SLC25A21: variants seen among roughly 807,000 people sequenced by gnomAD.
SLC25A21 encodes the protein mitochondrial 2-oxodicarboxylate carrier.
A neutral mutation model predicts 43.8 loss-of-function variants in SLC25A21; 47 were observed. That is an observed-to-expected ratio of 1.07 (90% CI 0.85 to 1.37). The LOEUF is 1.37. Among genes scored for constraint, SLC25A21 ranks in the 40% most tolerant of loss-of-function variants. The pLI, the probability that SLC25A21 is intolerant of heterozygous loss-of-function variation, is 0.00. For missense variants in SLC25A21, 352 were observed against 350.2 expected, an observed-to-expected ratio of 1.00 and a Z score of -0.04; for synonymous variants, 131 against 121.3, an observed-to-expected ratio of 1.08 and a Z score of -0.52.
intron 1 of SLC25A21, among the ~76,000 whole-genome samples, chr14:37,002,184 A>G (rs1960503258): frequency 1.3e-5 from 2 of 152,138 alleles, no homozygotes; most frequent in African/African-American, 2.4e-5. Context: ...CACCATAAGG[A>G]AAGTACAGGC....
intron 1 of SLC25A21, among the ~76,000 whole-genome samples, chr14:37,134,637 G>C (rs1963446277): frequency 8.1e-6 from 1 of 122,770 alleles, no homozygotes; most frequent in Admixed American, 9.8e-5. Flanking sequence ...CACAGAGTGA[G>C]ACTCCATCTC....
intron 1 of SLC25A21, among the ~76,000 whole-genome samples, chr14:37,111,279 G>C (rs567891585): frequency 1.3e-5 from 2 of 152,254 alleles, no homozygotes; most frequent in East Asian, 3.9e-4. Context: ...ACCGTCTTCT[G>C]TCTTCTCCCC....
At chr14:37,064,100 T>C (rs192815848) in intron 1 of SLC25A21, among the ~76,000 whole-genome samples, 2 of 152,240 alleles carry the variant, frequency 1.3e-5, no homozygotes, top group Admixed American at 1.3e-4. Context: ...GCAGGTGCCA[T>C]CTAATTAACT....
chr14:36,809,434 A>G (rs1888154952), intron 3 of SLC25A21, among the ~76,000 whole-genome samples: 1 of 151,978 alleles, frequency 6.6e-6, no homozygotes, highest in Non-Finnish European at 1.5e-5. Context: ...CTTTAATCTC[A>G]CTTCTGTAAA....
intron 3 of SLC25A21, among the ~76,000 whole-genome samples, chr14:36,807,449 G>A (rs1400706472): frequency 6.6e-6 from 1 of 152,102 alleles, no homozygotes; most frequent in Non-Finnish European, 1.5e-5. Flanking sequence ...GATGATGATT[G>A]GTCAAATAAT....
intron 1 of SLC25A21, among the ~76,000 whole-genome samples, chr14:37,105,530 T>C (rs1362202559): frequency 1.3e-5 from 2 of 152,192 alleles, no homozygotes; most frequent in Non-Finnish European, 2.9e-5. Context: ...CCTTTCTACA[T>C]ATTTCCCATC....
At chr14:36,945,694 T>G (rs1016088787) in intron 1 of SLC25A21, among the ~76,000 whole-genome samples, 3 of 152,126 alleles carry the variant, frequency 2.0e-5, no homozygotes, top group African/African-American at 7.2e-5. Flanking sequence ...AATAGAATGT[T>G]GGCATCAGGG....
At chr14:36,772,867 C>T (rs1227232582) in intron 3 of SLC25A21, among the ~76,000 whole-genome samples, 1 of 152,148 alleles carries the variant, frequency 6.6e-6, no homozygotes, top group Non-Finnish European at 1.5e-5. Context: ...ACTACATCTT[C>T]CTTTGTTGCA....
intron 1 of SLC25A21, among the ~76,000 whole-genome samples, chr14:36,946,874 A>C (rs1162988121): frequency 6.6e-6 from 1 of 152,166 alleles, no homozygotes; most frequent in Non-Finnish European, 1.5e-5. Flanking sequence ...ACCATGTTTT[A>C]ATATTTTATA....
At chr14:36,906,878 C>T (rs1891550534) in intron 1 of SLC25A21, among the ~76,000 whole-genome samples, 1 of 152,040 alleles carries the variant, frequency 6.6e-6, no homozygotes, top group Non-Finnish European at 1.5e-5. Context: ...AATGCATCTC[C>T]AGCATAGACA....
chr14:36,736,505 C>T (rs1405969005), intron 3 of SLC25A21, among the ~76,000 whole-genome samples: 1 of 152,044 alleles, frequency 6.6e-6, no homozygotes, highest in Non-Finnish European at 1.5e-5. Context: ...TTGGTCTTCC[C>T]AAAAGATAAA....
intron 3 of SLC25A21, among the ~76,000 whole-genome samples, chr14:36,763,633 G>A (rs1351984571): frequency 6.6e-6 from 1 of 152,050 alleles, no homozygotes; most frequent in Non-Finnish European, 1.5e-5. Flanking sequence ...GTTGTAGAGG[G>A]GTCCTTGCTT....
chr14:36,888,447 C>T (rs898265567), intron 1 of SLC25A21, among the ~76,000 whole-genome samples: 1 of 152,012 alleles, frequency 6.6e-6, no homozygotes, highest in Non-Finnish European at 1.5e-5. Context: ...GCAGAAGTTT[C>T]TATTATGTTG....
intron 1 of SLC25A21, among the ~76,000 whole-genome samples, chr14:36,899,573 C>T (rs1357734384): frequency 6.6e-6 from 1 of 152,190 alleles, no homozygotes; most frequent in African/African-American, 2.4e-5. Flanking sequence ...ATTCAAGCTG[C>T]ATCTGAGGTT....
rs897315835 is a variant in SLC25A21 at position 36,677,997 on chromosome 14, A to G, written c.*2661T>C. ...AATATAGGCTTAAAAATATGTTTTT[A>G]GGACATTGGTACAATTCAGCTGTTG... On this transcript the variant is annotated 3_prime_UTR_variant, in exon 10 of 10. Transcript: ENST00000331299. 6.5e-6 allele frequency: 1 copy of G among 153,528 alleles called. No individual in the cohort carries two copies. 9.5% of individuals were successfully genotyped at this position (153,528 alleles called of 1,614,324 possible).
At chr14:36,851,561 T>C (rs1889736312) in intron 2 of SLC25A21, among the ~76,000 whole-genome samples, 1 of 152,172 alleles carries the variant, frequency 6.6e-6, no homozygotes, top group Non-Finnish European at 1.5e-5. Context: ...GGTAACAAAA[T>C]GTTATATCCA....
chr14:37,020,406 A>G (rs1286036525), intron 1 of SLC25A21, among the ~76,000 whole-genome samples: 1 of 151,740 alleles, frequency 6.6e-6, no homozygotes, highest in East Asian at 1.9e-4. Flanking sequence ...AGATTCACCT[A>G]ATCATCTCAA....
intron 3 of SLC25A21, among the ~76,000 whole-genome samples, chr14:36,782,898 C>T (rs1887116199): frequency 6.8e-6 from 1 of 147,948 alleles, no homozygotes; most frequent in Non-Finnish European, 1.5e-5. Context: ...CACATGTATA[C>T]ATATGTAACT....
intron 3 of SLC25A21, among the ~76,000 whole-genome samples, chr14:36,768,016 T>C (rs575812885): frequency 3.1e-4 from 47 of 152,322 alleles, no homozygotes; most frequent in African/African-American, 8.7e-4. Flanking sequence ...CACAGTTTCA[T>C]TGAATTTTGC....
Sources: gnomAD v4.1 joint callset for allele counts (sites outside exome capture counted in the v4.1 genomes callset) on GRCh38, gnomAD v4.1.1 for gene constraint, MANE v1.5 for transcripts, NCBI Gene and HGNC (gene_info 2026-07-23, HGNC 2026-07-21) for gene names.